Variants in CELF4 observed in about 807,000 individuals in gnomAD.
The protein encoded by CELF4 is CUGBP Elav-like family member 4, also known as CUG-BP- and ETR-3-like factor 4.
Under a neutral mutation model 59.9 loss-of-function variants are expected in CELF4, and 18 were observed. The observed-to-expected ratio is 0.30, with a 90% CI of 0.21 to 0.45. The LOEUF is 0.45. Ranked by LOEUF, CELF4 falls within the 20% of genes least tolerant of loss-of-function variation. The pLI is 1.00. For synonymous variants in CELF4, 261 were observed against 267.1 expected (o/e 0.98, Z 0.22); for missense variants, 456 against 689.0 (o/e 0.66, Z 3.79).
intron 7 of CELF4, among the ~76,000 whole-genome samples, chr18:37,272,385 CG>C (rs1157400140): frequency 1.3e-5 from 2 of 152,004 alleles, no homozygotes; most frequent in African/African-American, 4.8e-5. Flanking sequence ...CCTGGGGATT[CG>C]GGGGCATAAC....
At position 37,243,042 on chromosome 18, in the gene CELF4, T is replaced by G. The variant is rs2060777421; in HGVS notation, c.*2200A>C. On this transcript the variant is annotated 3_prime_UTR_variant, in exon 13 of 13. Transcript: ENST00000420428. ...AGGCACAGACCAATGAAGAAATATT[T>G]TTTTAAACTGTGCTTTATTTAGGGC... is the stretch of plus-strand genomic sequence containing the variant. 1 of 152,146 alleles carries G rather than the reference T, an allele frequency of 6.6e-6. No individual in the cohort carries two copies. Among genetic ancestry groups the G allele is most frequent in the Admixed American group, 6.5e-5 (1 of 15,282 alleles). The allele number at this position is 152,146 out of a possible 1,614,324, so 9.4% of individuals were successfully genotyped here.
intron 1 of CELF4, among the ~76,000 whole-genome samples, chr18:37,521,315 A>G (rs920802194): frequency 1.3e-5 from 2 of 152,112 alleles, no homozygotes; most frequent in African/African-American, 4.8e-5. Context: ...GAACTGTGGC[A>G]AGTAATAATG....
chr18:37,427,041 G>C (rs879673295), intron 2 of CELF4, among the ~76,000 whole-genome samples: 5,078 of 151,420 alleles, frequency 0.034, 126 homozygotes, highest in Non-Finnish European at 0.042. Context: ...GGGACACGGG[G>C]GGGGGGGAAG....
chr18:37,402,502 C>T (rs2099342983), intron 2 of CELF4, among the ~76,000 whole-genome samples: 2 of 152,100 alleles, frequency 1.3e-5, no homozygotes, highest in Non-Finnish European at 2.9e-5. Flanking sequence ...TCCTTGTGTT[C>T]TGAGTGGGAG....
intron 1 of CELF4, among the ~76,000 whole-genome samples, chr18:37,508,456 C>G (rs977253199): frequency 6.6e-6 from 1 of 152,232 alleles, no homozygotes; most frequent in Non-Finnish European, 1.5e-5. Context: ...TCTCATCACA[C>G]ACTCAGCAGC....
intron 2 of CELF4, among the ~76,000 whole-genome samples, chr18:37,408,673 C>T (rs2099409523): frequency 1.3e-5 from 2 of 152,272 alleles, no homozygotes; most frequent in South Asian, 2.1e-4. Context: ...CTCAGAATTT[C>T]ACAGCTGCCC....
chr18:37,508,029 ATCACTCG>A (rs1569569701), intron 1 of CELF4, among the ~76,000 whole-genome samples: 2 of 152,092 alleles, frequency 1.3e-5, no homozygotes, highest in African/African-American at 4.8e-5. Context: ...AGACCTCGCC[ATCACTCG>A]CCAAGTTTGT....
At position 37,253,092 on chromosome 18, in the gene CELF4, T is replaced by G. The variant is rs2066569548; in HGVS notation, c.*44+675A>C. Among the ~76,000 whole-genome samples the G allele has an allele frequency of 6.6e-6, 1 of 152,078 alleles. No homozygotes were observed. On this transcript the variant is annotated intron_variant, in intron 12 of 12. Transcript: ENST00000420428. The surrounding 1 kb of genome is among the most constrained non-coding windows in gnomAD (Gnocchi z 4.5). ...AGGCGTGGCTGACTGTGTCTTCAGC[T>G]CCTAGGCAGGACCCAGCCCAGCAGA...
chr18:37,495,867 T>TG (rs1159169001), intron 1 of CELF4, among the ~76,000 whole-genome samples: 6 of 152,028 alleles, frequency 3.9e-5, no homozygotes, highest in Non-Finnish European at 4.4e-5. Context: ...GTGTGTGTTT[T>TG]GGGGGGTGCG....
At chr18:37,327,832 G>A (rs906313634) in intron 2 of CELF4, among the ~76,000 whole-genome samples, 1 of 152,182 alleles carries the variant, frequency 6.6e-6, no homozygotes, top group Non-Finnish European at 1.5e-5. Flanking sequence ...ACCCAGTGCT[G>A]TCTCTGAAAT....
chr18:37,337,819 C>G (rs993650266), intron 2 of CELF4, among the ~76,000 whole-genome samples: 1 of 152,208 alleles, frequency 6.6e-6, no homozygotes, highest in Non-Finnish European at 1.5e-5. Context: ...GGCCACTGTG[C>G]CAGGGACAGG....
At chr18:37,354,764 C>G (rs946579895) in intron 2 of CELF4, among the ~76,000 whole-genome samples, 10 of 152,158 alleles carry the variant, frequency 6.6e-5, no homozygotes, top group African/African-American at 2.4e-4. Context: ...CCCACCATGC[C>G]TTCTCTCCAG....
intron 3 of CELF4, among the ~76,000 whole-genome samples, chr18:37,318,323 C>T (rs911417828): frequency 1.3e-5 from 2 of 151,332 alleles, no homozygotes; most frequent in East Asian, 3.9e-4. Flanking sequence ...CTACTTTTCT[C>T]ACCTCCTTCC....
chr18:37,280,470 G>A (rs1371360527), intron 3 of CELF4, among the ~76,000 whole-genome samples: 2 of 152,186 alleles, frequency 1.3e-5, no homozygotes, highest in Non-Finnish European at 2.9e-5. Flanking sequence ...TGGTCTATGG[G>A]CCCAGAGCCT....
Position 37,253,915 on chromosome 18 carries a change from C to T in CELF4, c.1357G>A (p.Ala453Thr), listed in dbSNP as rs1217891315. Residue 453 changes from alanine to threonine, a missense_variant, in exon 12 of 13, where the codon GCC becomes ACC. Ala to Thr is a moderately conservative substitution (Grantham distance 58). This residue lies in a region of CELF4 where 256 missense variants were observed against 340.8 expected (regional missense o/e 0.75). Coordinates refer to ENST00000420428, the MANE Select transcript of CELF4 (RefSeq NM_020180.4). This position sits in a 1 kb window ranked among gnomAD's most constrained non-coding sequence, Gnocchi z 4.5. Reference sequence around the variant, plus strand: ...GCCTGGATGGCGGTCTGCGCGCTGGCCGGGTTGTCGAAGCTCACGAAGCCT... The same window carrying T: ...GCCTGGATGGCGGTCTGCGCGCTGGTCGGGTTGTCGAAGCTCACGAAGCCT... Reference protein sequence around the residue: ...PFGFVSFDNPASAQTAIQAMN... With the variant: ...PFGFVSFDNPTSAQTAIQAMN... 1.2e-6 allele frequency: 2 copies of T among 1,607,038 alleles called. No individual in the cohort carries two copies. The highest frequency in any genetic ancestry group is 2.3e-5 in the East Asian group (1 of 44,336).
At chr18:37,555,983 T>G (rs916205994) in intron 1 of CELF4, among the ~76,000 whole-genome samples, 1 of 152,082 alleles carries the variant, frequency 6.6e-6, no homozygotes, top group African/African-American at 2.4e-5. Context: ...TGTGTGTGAG[T>G]CTGTTTTGAA....
chr18:37,398,495 G>C (rs1289519549), intron 2 of CELF4, among the ~76,000 whole-genome samples: 1 of 152,164 alleles, frequency 6.6e-6, no homozygotes, highest in African/African-American at 2.4e-5. Context: ...GAAGATCCTA[G>C]CCTCGGGGCA....
intron 2 of CELF4, among the ~76,000 whole-genome samples, chr18:37,428,589 C>A (rs770336468): frequency 6.6e-6 from 1 of 152,278 alleles, no homozygotes; most frequent in African/African-American, 2.4e-5. Context: ...GACACAAAAG[C>A]CTTTGACAGG....
intron 7 of CELF4, among the ~76,000 whole-genome samples, chr18:37,272,809 C>T (rs537278121): frequency 2.1e-4 from 32 of 152,338 alleles, no homozygotes; most frequent in African/African-American, 7.7e-4. Context: ...ACACGGTAGA[C>T]TGCATGGGTC....
Sources: allele counts gnomAD v4.1 joint callset (sites outside exome capture counted in the v4.1 genomes callset), GRCh38; gene constraint gnomAD v4.1.1; regional missense constraint gnomAD v4.1.1; non-coding constraint Gnocchi (gnomAD v3.1); transcripts MANE v1.5; gene names NCBI Gene and HGNC (gene_info 2026-07-23, HGNC 2026-07-21).